Variants in PEPD observed in about 807,000 individuals in gnomAD.
PEPD encodes the protein peptidase D, also known as xaa-Pro dipeptidase.
Under a neutral mutation model 60.7 loss-of-function variants are expected in PEPD, and 53 were observed. The ratio of observed to expected loss-of-function variants is 0.87; its 90% CI spans 0.70 to 1.10. The LOEUF is 1.10. Among genes scored for constraint, PEPD ranks in the 50% least tolerant of loss-of-function variants. PEPD has a pLI of 0.00. For synonymous variants in PEPD, 267 were observed against 284.1 expected, an observed-to-expected ratio of 0.94 and a Z score of 0.60; for missense variants, 711 against 711.9, an observed-to-expected ratio of 1.00 and a Z score of 0.01.
At chr19:33,390,640 GC>G (rs1191212240) in intron 13 of PEPD, among the ~76,000 whole-genome samples, 2 of 152,228 alleles carry the variant, frequency 1.3e-5, no homozygotes, top group Non-Finnish European at 2.9e-5. Context: ...GTAGCCACCT[GC>G]CCGGTTGGGC....
At chr19:33,421,392 G>A (rs74958114) in intron 9 of PEPD, among the ~76,000 whole-genome samples, 10,759 of 152,298 alleles carry the variant, frequency 0.071, 465 homozygotes, top group Middle Eastern at 0.11. Context: ...AGCCTAGCCC[G>A]GTCCAGCGCA....
intron 9 of PEPD, among the ~76,000 whole-genome samples, chr19:33,449,970 T>C (rs1969666158): frequency 6.6e-6 from 1 of 152,216 alleles, no homozygotes; most frequent in African/African-American, 2.4e-5. Flanking sequence ...GAGCATGTGA[T>C]GCCCCCGCTT....
chr19:33,429,568 A>T (rs1470390965), intron 9 of PEPD, among the ~76,000 whole-genome samples: 1 of 152,236 alleles, frequency 6.6e-6, no homozygotes, highest in East Asian at 1.9e-4. Context: ...TTATGCAAAA[A>T]CTGTTATTTA....
At chr19:33,489,830 G>A (rs1970464188) in intron 6 of PEPD, among the ~76,000 whole-genome samples, 166 bp downstream of exon 6, 1 of 152,062 alleles carries the variant, frequency 6.6e-6, no homozygotes, top group Non-Finnish European at 1.5e-5. Context: ...GAAAAATCAA[G>A]GTGATTTTTG....
intron 9 of PEPD, among the ~76,000 whole-genome samples, chr19:33,447,165 C>G (rs1389904799): frequency 6.6e-6 from 1 of 152,186 alleles, no homozygotes; most frequent in African/African-American, 2.4e-5. Context: ...ACATGGAGGT[C>G]AGCAATCACC....
intron 9 of PEPD, among the ~76,000 whole-genome samples, chr19:33,418,086 G>T (rs1180702117): frequency 6.6e-6 from 1 of 152,218 alleles, no homozygotes; most frequent in Admixed American, 6.5e-5. Context: ...CCGCCTTCCC[G>T]GGGTGCGCCC....
In PEPD at chr19:33,519,677, C is replaced by T. The variant is rs1971095372; in HGVS notation, c.17+2067G>A. ...GCCAGGCTCTGGAAGCTCCCACACC[C>T]TCTCAATAGCAGACCTCTCTAAGAC... On this transcript the variant is annotated intron_variant, in intron 1 of 14. Transcript: ENST00000244137. Among the ~76,000 whole-genome samples the T allele has an allele frequency of 3.3e-5, 5 of 152,332 alleles. No homozygotes were observed. The South Asian group carries it at 8.3e-4, about 25-fold the overall frequency.
Position 33,505,272 on chromosome 19 carries a change from G to A in PEPD, c.330-4271C>T, listed in dbSNP as rs190010001. Among the ~76,000 whole-genome samples, 374 of 152,198 alleles carry A rather than the reference G, an allele frequency of 2.5e-3. 9 individuals carry two copies. The highest frequency in any genetic ancestry group is 0.023 in the Admixed American group (346 of 15,296). On this transcript the variant is annotated intron_variant, in intron 3 of 14. Coordinates refer to ENST00000244137, the MANE Select transcript of PEPD (RefSeq NM_000285.4). ...CACTCTGCTCTCCACAGAAGGCAGC[G>A]GCATTTGCTCTGCGGTGGAAGCCGG...
chr19:33,494,477 T>C (rs893102029), intron 4 of PEPD, among the ~76,000 whole-genome samples: 1 of 152,234 alleles, frequency 6.6e-6, no homozygotes, highest in South Asian at 2.1e-4. Flanking sequence ...AAAGATAAAA[T>C]GCACGTACAA....
intron 4 of PEPD, among the ~76,000 whole-genome samples, chr19:33,494,501 G>A (rs1189484056): frequency 6.6e-6 from 1 of 152,204 alleles, no homozygotes; most frequent in Non-Finnish European, 1.5e-5. Context: ...TATCTCCAGA[G>A]ACATTTTAGC....
intron 11 of PEPD, among the ~76,000 whole-genome samples, chr19:33,403,940 C>T (rs10422861): frequency 0.69 from 105,235 of 152,096 alleles, 37,455 homozygotes; most frequent in African/African-American, 0.85. Context: ...GCCTGGAAGT[C>T]TACTCCTGCA....
intron 9 of PEPD, among the ~76,000 whole-genome samples, chr19:33,451,413 G>C (rs1477737662): frequency 1.3e-5 from 2 of 152,092 alleles, no homozygotes; most frequent in African/African-American, 2.4e-5. Flanking sequence ...CAGAAATACA[G>C]GTCTTTTTTT....
At chr19:33,403,018 C>G (rs1968537745) in intron 11 of PEPD, among the ~76,000 whole-genome samples, 1 of 152,192 alleles carries the variant, frequency 6.6e-6, no homozygotes, top group Non-Finnish European at 1.5e-5. Context: ...AAGCAGCCTC[C>G]CGCTCATCCT....
At chr19:33,445,572 G>GCTGCT (rs1286072102) in intron 9 of PEPD, among the ~76,000 whole-genome samples, 1 of 152,238 alleles carries the variant, frequency 6.6e-6, no homozygotes, top group Non-Finnish European at 1.5e-5. Context: ...AAGCCCAGGA[G>GCTGCT]AGAGGCCTCA....
intron 9 of PEPD, among the ~76,000 whole-genome samples, chr19:33,435,561 G>A (rs1324575284): frequency 6.6e-6 from 1 of 152,220 alleles, no homozygotes; most frequent in Non-Finnish European, 1.5e-5. Context: ...CCCCTCGTTC[G>A]GTCCCAGCAG....
intron 9 of PEPD, among the ~76,000 whole-genome samples, chr19:33,432,295 CCT>C (rs1439179926): frequency 6.6e-6 from 1 of 152,248 alleles, no homozygotes; most frequent in Non-Finnish European, 1.5e-5. Context: ...TTTGGCAAAA[CCT>C]CTGTCTGCAC....
At chr19:33,389,010 C>T (rs1968147790) in intron 13 of PEPD, 1 of 152,432 alleles carries the variant, frequency 6.6e-6, no homozygotes, top group Non-Finnish European at 1.5e-5. Flanking sequence ...ATGAGCCTGC[C>T]CTGCCCGGCT....
intron 7 of PEPD, among the ~76,000 whole-genome samples, chr19:33,466,632 C>G (rs1018685951): frequency 2.0e-5 from 3 of 151,866 alleles, no homozygotes; most frequent in African/African-American, 7.3e-5. Context: ...ATCACAATAC[C>G]CAGGTAAGAG....
At chr19:33,470,830 G>C (rs1320717219) in intron 7 of PEPD, among the ~76,000 whole-genome samples, 1 of 152,138 alleles carries the variant, frequency 6.6e-6, no homozygotes, top group Non-Finnish European at 1.5e-5. Context: ...GGGCACAGCA[G>C]GGGCAAAGCC....
Sources: allele counts gnomAD v4.1 joint callset (sites outside exome capture counted in the v4.1 genomes callset), GRCh38; gene constraint gnomAD v4.1.1; transcripts MANE v1.5; gene names NCBI Gene and HGNC (gene_info 2026-07-23, HGNC 2026-07-21).